Variants in JMY observed in about 807,000 individuals in gnomAD.
The protein encoded by JMY is junction mediating and regulatory protein, p53 cofactor.
In JMY, 46 loss-of-function variants were observed where a neutral mutation model predicts 103.3. That is an observed-to-expected ratio of 0.45 (90% CI 0.35 to 0.57). JMY has a LOEUF of 0.57. JMY is among the 20% of genes least tolerant of loss of function. The pLI is 0.00. For synonymous variants in JMY, 526 were observed against 489.3 expected (o/e 1.07, Z -0.99); for missense variants, 1,238 against 1,255.2 (o/e 0.99, Z 0.21).
rs1306495673 is a variant in JMY, at chr5:79,237,213, C to A, written c.563C>A (p.Thr188Lys). The A allele has an allele frequency of 7.1e-6, 11 of 1,550,372 alleles. No homozygotes were observed. The highest frequency in any genetic ancestry group is 9.6e-6 in the Non-Finnish European group (11 of 1,146,910). Residue 188 changes from threonine (T) to lysine (K), a missense_variant, in exon 1 of 11, where the codon ACG becomes AAG. Physicochemically the swap from Thr to Lys is moderately conservative, Grantham distance 78 (BLOSUM62 -1). Coordinates refer to ENST00000396137, the MANE Select transcript of JMY (RefSeq NM_152405.5). ...GTACGGATAGTGAGCGCCTCTGGGA[C>A]GGTCTCCGAGGAGATAGAGGTGCTG... is the stretch of plus-strand genomic sequence containing the variant. Reference protein sequence around the residue: ...SSVRIVSASGTVSEEIEVLEM... With the variant: ...SSVRIVSASGKVSEEIEVLEM...
intron 1 of JMY, among the ~76,000 whole-genome samples, chr5:79,250,650 C>CTTTT (rs200738584): frequency 8.1e-6 from 1 of 122,736 alleles, no homozygotes; most frequent in Non-Finnish European, 1.7e-5. Flanking sequence ...AATTATTTTT[C>CTTTT]TTTTTTTTTT....
At position 79,325,986 on chromosome 5, in the gene JMY, A is replaced by G. The variant is rs1747629741; in HGVS notation, c.*4384A>G. 3 of 152,156 alleles carry G rather than the reference A, an allele frequency of 2.0e-5. No individual in the cohort carries two copies. Among genetic ancestry groups the G allele is most frequent in the South Asian group, 2.1e-4 (1 of 4,838 alleles). 9.4% of individuals were successfully genotyped at this position (152,156 alleles called of 1,614,324 possible). On this transcript the variant is annotated 3_prime_UTR_variant, in exon 11 of 11. Transcript: ENST00000396137. ...ACGTTTTGCCCACAGTAAATGTACA[A>G]CTTCGCAATTGTAGGATTTAATTGA...
rs1744493872 is a variant in JMY at position 79,236,418 on chromosome 5, T to C, written c.-233T>C. 2.7e-6 allele frequency: 1 copy of C among 365,816 alleles called. No individual in the cohort carries two copies. Among genetic ancestry groups the C allele is most frequent in the Non-Finnish European group, 4.9e-6 (1 of 206,110 alleles). 22.7% of individuals were successfully genotyped at this position (365,816 alleles called of 1,614,324 possible). A position where few individuals can be genotyped will look rare whatever the true frequency, so the allele number is the denominator to read the frequency against. Reference sequence around the variant, plus strand: ...AAACAGATCCGGCCGCAGGTGACCATGTGAACTACCTGCTCCCGGGACGCT... The same window carrying C: ...AAACAGATCCGGCCGCAGGTGACCACGTGAACTACCTGCTCCCGGGACGCT... On this transcript the variant is annotated 5_prime_UTR_variant, in exon 1 of 11. The change abolishes an upstream ATG in the 5' untranslated region. Coordinates refer to ENST00000396137, the MANE Select transcript of JMY (RefSeq NM_152405.5).
chr5:79,262,150 C>T (rs1269105407), intron 1 of JMY, among the ~76,000 whole-genome samples: 1 of 152,162 alleles, frequency 6.6e-6, no homozygotes, highest in Non-Finnish European at 1.5e-5. Flanking sequence ...TCAGATCCAT[C>T]TGCGTTCTTA....
intron 4 of JMY, among the ~76,000 whole-genome samples, chr5:79,296,641 C>T (rs1243771354): frequency 2.0e-5 from 3 of 152,228 alleles, no homozygotes; most frequent in Non-Finnish European, 4.4e-5. Context: ...GCCACTATGC[C>T]TAGCTATGAC....
At chr5:79,304,349 C>T (rs1746821751) in intron 6 of JMY, among the ~76,000 whole-genome samples, 1 of 152,066 alleles carries the variant, frequency 6.6e-6, no homozygotes, top group Non-Finnish European at 1.5e-5. Context: ...TCCTATATTC[C>T]CTTGTTTACA....
At chr5:79,238,526 T>A (rs1157391413) in intron 1 of JMY, among the ~76,000 whole-genome samples, 1 of 152,172 alleles carries the variant, frequency 6.6e-6, no homozygotes, top group Non-Finnish European at 1.5e-5. Context: ...AAAAGTCTTT[T>A]AAAATAGACC....
Position 79,316,124 on chromosome 5 carries a change from A to G in JMY, c.2784A>G (p.Gln928=). 6.2e-7 allele frequency: 1 copy of G among 1,614,176 alleles called. No homozygotes were observed. The highest frequency in any genetic ancestry group is 8.5e-7 in the Non-Finnish European group (1 of 1,180,010). The change falls in exon 10 of 11, where the codon CAA becomes CAG. Residue 928 remains glutamine, a synonymous_variant. Coordinates refer to ENST00000396137, the MANE Select transcript of JMY (RefSeq NM_152405.5). ...ATGATAGTAATAATATCTTGGCACA[A>G]ATAAGGAAAGGGGTAAAATTGAAGA... is the stretch of plus-strand genomic sequence containing the variant. ...DEDDSNNILA[Q]IRKGVKLKKV... is the part of the protein sequence containing the mutation.
intron 1 of JMY, among the ~76,000 whole-genome samples, chr5:79,247,855 A>AT (rs946833491): frequency 6.8e-5 from 10 of 147,730 alleles, no homozygotes; most frequent in Admixed American, 1.3e-4. Context: ...ATTTTATTTT[A>AT]TTTTTTATAT....
intron 1 of JMY, among the ~76,000 whole-genome samples, chr5:79,260,752 A>G (rs1295914043): frequency 6.7e-6 from 1 of 150,074 alleles, no homozygotes; most frequent in East Asian, 1.9e-4. Flanking sequence ...CTCAGATTTT[A>G]GTATTAACAA....
At chr5:79,309,710 A>G (rs185486757) in intron 7 of JMY, among the ~76,000 whole-genome samples, 4,993 of 152,268 alleles carry the variant, frequency 0.033, 91 homozygotes, top group South Asian at 0.061. Context: ...AACTACCCAT[A>G]AACTATAAGA....
chr5:79,241,192 G>A (rs1744730172), intron 1 of JMY, among the ~76,000 whole-genome samples: 2 of 152,082 alleles, frequency 1.3e-5, no homozygotes, highest in East Asian at 1.9e-4. Flanking sequence ...TAATAGAACA[G>A]ACTGTACAAC....
intron 8 of JMY, among the ~76,000 whole-genome samples, chr5:79,313,321 A>C (rs1376384428): frequency 6.6e-6 from 1 of 152,084 alleles, no homozygotes; most frequent in Non-Finnish European, 1.5e-5. Context: ...TGGGTGGCTG[A>C]AGTGGGAGGA....
At position 79,322,813 on chromosome 5, in the gene JMY, T is replaced by C. The variant is rs1747501988; in HGVS notation, c.*1211T>C. The C allele has an allele frequency of 1.3e-5, 2 of 152,236 alleles. No individual in the cohort carries two copies. The highest frequency in any genetic ancestry group is 4.8e-5 in the African/African-American group (2 of 41,458). 9.4% of individuals were successfully genotyped at this position (152,236 alleles called of 1,614,324 possible). ...CTCAGTGTGCAGTACCCTGTACATA[T>C]AATTCTGCATAAGACAGATCTTGGC... On this transcript the variant is annotated 3_prime_UTR_variant, in exon 11 of 11. Coordinates refer to ENST00000396137, the MANE Select transcript of JMY (RefSeq NM_152405.5).
In JMY at chr5:79,237,635, A is replaced by G. The variant is rs1433918569; in HGVS notation, c.985A>G (p.Lys329Glu). The stretch of plus-strand genomic sequence containing the variant: ...CGAAAGCCTCAGCGAGCTGCGGCAG[A>G]AGGGCTACGAAGAAGTGCTTCAGCG... ...YYESLSELRQ[K>E]GYEEVLQRAR... is the part of the protein sequence containing the mutation. Residue 329 changes from lysine (K) to glutamate (E), a missense_variant, in exon 1 of 11, where the codon AAG becomes GAG. Lys to Glu is a moderately conservative substitution (Grantham distance 56, BLOSUM62 1). Coordinates refer to ENST00000396137, the MANE Select transcript of JMY (RefSeq NM_152405.5). 1 of 1,613,594 alleles carries G rather than the reference A, an allele frequency of 6.2e-7. No individual in the cohort carries two copies. Among genetic ancestry groups the G allele is most frequent in the East Asian group, 2.2e-5 (1 of 44,858 alleles).
intron 6 of JMY, among the ~76,000 whole-genome samples, chr5:79,305,844 T>A (rs1022464634): frequency 1.3e-5 from 2 of 152,188 alleles, no homozygotes; most frequent in Admixed American, 1.3e-4. Context: ...AGCTTAACAA[T>A]ACATATTTTA....
At chr5:79,264,074 A>T (rs554997130) in intron 1 of JMY, among the ~76,000 whole-genome samples, 1 of 151,812 alleles carries the variant, frequency 6.6e-6, no homozygotes, top group East Asian at 2.0e-4. Context: ...GGCGCGAGTC[A>T]CTGTGCTTGG....
intron 2 of JMY, chr5:79,285,017 A>G: frequency 1.3e-6 from 1 of 748,224 alleles, no homozygotes; most frequent in South Asian, 1.7e-5. Flanking sequence ...AGTGTCTTTA[A>G]TGAGTCAGAG....
At chr5:79,283,920 A>G (rs1272410118) in intron 2 of JMY, among the ~76,000 whole-genome samples, 1 of 152,250 alleles carries the variant, frequency 6.6e-6, no homozygotes, top group African/African-American at 2.4e-5. Context: ...TATTAAATCT[A>G]CAAAACTTCA....
Sources: allele counts gnomAD v4.1 joint callset (sites outside exome capture counted in the v4.1 genomes callset), GRCh38; gene constraint gnomAD v4.1.1; transcripts MANE v1.5; gene names NCBI Gene and HGNC (gene_info 2026-07-23, HGNC 2026-07-21).